TAS2R1: variants seen among roughly 807,000 people sequenced by gnomAD.
The protein encoded by TAS2R1 is taste 2 receptor member 1, also known as taste receptor type 2 member 1.
For synonymous variants in TAS2R1, 141 were observed against 134.2 expected (o/e 1.05, Z -0.35); for missense variants, 370 against 353.4 (o/e 1.05, Z -0.38).
intron 2 of TAS2R1, among the ~76,000 whole-genome samples, chr5:9,636,934 G>A (rs1739974815): frequency 1.3e-5 from 2 of 151,816 alleles, no homozygotes; most frequent in Non-Finnish European, 2.9e-5. Flanking sequence ...TGATAGTATT[G>A]AGATGTGAGG....
At chr5:9,863,397 G>T in the TAS2R1 span, among the ~76,000 whole-genome samples, 1 of 151,098 alleles carries the variant, frequency 6.6e-6, no homozygotes, top group Non-Finnish European at 1.5e-5. Flanking sequence ...TCAGCCTACC[G>T]AGTAGCTGGG....
chr5:9,831,274 T>A, the TAS2R1 span, among the ~76,000 whole-genome samples: 1 of 152,122 alleles, frequency 6.6e-6, no homozygotes, highest in Non-Finnish European at 1.5e-5. Context: ...TCAGCAGTAG[T>A]ATTATATCAT....
the TAS2R1 span, among the ~76,000 whole-genome samples, chr5:9,883,740 T>C: frequency 6.6e-6 from 1 of 152,154 alleles, no homozygotes; most frequent in African/African-American, 2.4e-5. Context: ...GGCTCACACA[T>C]GCATCTACGA....
chr5:9,873,554 TAGA>T, the TAS2R1 span, among the ~76,000 whole-genome samples: 2 of 151,448 alleles, frequency 1.3e-5, no homozygotes, highest in East Asian at 3.9e-4. Flanking sequence ...AGATTAGGAA[TAGA>T]AGGAGGAGAA....
At chr5:9,688,358 A>G (rs938936941) in intron 1 of TAS2R1, among the ~76,000 whole-genome samples, 5 of 152,192 alleles carry the variant, frequency 3.3e-5, no homozygotes, top group Admixed American at 2.6e-4. Context: ...GTGAACTACT[A>G]TCATGTAACA....
the TAS2R1 span, among the ~76,000 whole-genome samples, chr5:9,741,447 G>A: frequency 6.6e-6 from 1 of 152,126 alleles, no homozygotes; most frequent in Admixed American, 6.5e-5. Flanking sequence ...GTGATCTATG[G>A]CAAACCACCC....
chr5:9,643,475 C>T (rs940085907), intron 2 of TAS2R1, among the ~76,000 whole-genome samples: 12 of 152,096 alleles, frequency 7.9e-5, no homozygotes, highest in East Asian at 1.9e-4. Flanking sequence ...CTTGCAGGAC[C>T]GGAAGTTGCT....
chr5:9,670,365 A>G (rs1018260748), intron 1 of TAS2R1, among the ~76,000 whole-genome samples: 5 of 152,180 alleles, frequency 3.3e-5, no homozygotes, highest in African/African-American at 4.8e-5. Flanking sequence ...TCTTGTGCCA[A>G]TCACTGAGTT....
chr5:9,789,853 T>C, the TAS2R1 span, among the ~76,000 whole-genome samples: 1 of 152,306 alleles, frequency 6.6e-6, no homozygotes, highest in East Asian at 1.9e-4. Flanking sequence ...AACAAGTATA[T>C]TGCAACAAGT....
the TAS2R1 span, among the ~76,000 whole-genome samples, chr5:9,767,222 C>T: frequency 6.6e-6 from 1 of 151,968 alleles, no homozygotes; most frequent in African/African-American, 2.4e-5. Context: ...CGCAATCCCA[C>T]GCATCATCCA....
the TAS2R1 span, among the ~76,000 whole-genome samples, chr5:9,835,997 A>C: frequency 6.6e-6 from 1 of 152,120 alleles, no homozygotes; most frequent in African/African-American, 2.4e-5. Flanking sequence ...TCTTATCTTG[A>C]ATTCCCACCT....
the TAS2R1 span, among the ~76,000 whole-genome samples, chr5:9,787,139 C>G: frequency 2.0e-5 from 3 of 152,188 alleles, no homozygotes; most frequent in East Asian, 5.8e-4. Flanking sequence ...AGCCAGGTGA[C>G]TAGCACATCA....
At chr5:9,720,030 C>T in the TAS2R1 span, among the ~76,000 whole-genome samples, 2 of 151,298 alleles carry the variant, frequency 1.3e-5, no homozygotes, top group African/African-American at 4.9e-5. Context: ...CTTTTTCTTC[C>T]TCTACTCACC....
chr5:9,652,925 C>G (rs1223549234), intron 2 of TAS2R1, among the ~76,000 whole-genome samples: 2 of 152,092 alleles, frequency 1.3e-5, no homozygotes, highest in African/African-American at 4.8e-5. Flanking sequence ...ATTAAGTGAA[C>G]AATTCAGTGG....
chr5:9,729,257 G>C, the TAS2R1 span, among the ~76,000 whole-genome samples: 9 of 152,138 alleles, frequency 5.9e-5, no homozygotes, highest in Non-Finnish European at 1.0e-4. Context: ...CACCCCCTAG[G>C]GGCAGCCTCT....
At chr5:9,900,639 T>TTTTTTTTG in the TAS2R1 span, among the ~76,000 whole-genome samples, 1 of 136,290 alleles carries the variant, frequency 7.3e-6, no homozygotes, top group African/African-American at 2.6e-5. Context: ...TTTTTTTTTT[T>TTTTTTTTG]AGACGGAGTC....
intron 1 of TAS2R1, among the ~76,000 whole-genome samples, chr5:9,701,947 A>T (rs919755096): frequency 6.6e-6 from 1 of 152,230 alleles, no homozygotes; most frequent in Non-Finnish European, 1.5e-5. Flanking sequence ...TGTGATGTAC[A>T]GGGGCAAAAC....
At chr5:9,845,777 G>A in the TAS2R1 span, among the ~76,000 whole-genome samples, 12 of 152,328 alleles carry the variant, frequency 7.9e-5, no homozygotes, top group East Asian at 2.3e-3. Flanking sequence ...CAAATGCAAT[G>A]GATTATTAGA....
chr5:9,633,319 T>TATATATATATATATACAC (rs1475834697), upstream of TAS2R1, among the ~76,000 whole-genome samples: 4 of 137,526 alleles, frequency 2.9e-5, no homozygotes, highest in African/African-American at 1.2e-4. Flanking sequence ...TATATATATA[T>TATATATATATATATACAC]ACACAAATGT....
Sources: gnomAD v4.1 joint callset for allele counts (sites outside exome capture counted in the v4.1 genomes callset) on GRCh38, gnomAD v4.1.1 for gene constraint, MANE v1.5 for transcripts, NCBI Gene and HGNC (gene_info 2026-07-23, HGNC 2026-07-21) for gene names.